The following ACTR3B variants were observed in gnomAD, a reference collection of about 807,000 sequenced individuals.
ACTR3B encodes actin related protein 3B.
In ACTR3B, 8 loss-of-function variants were observed where a neutral mutation model predicts 59.0. The ratio of observed to expected loss-of-function variants is 0.14; its 90% CI spans 0.08 to 0.24. The LOEUF (loss-of-function observed/expected upper bound fraction) is 0.24. Ranked by LOEUF, ACTR3B falls within the 10% of genes least tolerant of loss-of-function variation. The pLI is 1.00. For missense variants in ACTR3B, 245 were observed against 552.3 expected (o/e 0.44, Z 5.58); for synonymous variants, 148 against 197.9 (o/e 0.75, Z 2.12).
chr7:152,846,145 G>C (rs1465624139), intron 9 of ACTR3B, among the ~76,000 whole-genome samples: 1 of 151,802 alleles, frequency 6.6e-6, no homozygotes, highest in South Asian at 2.1e-4. Context: ...GAGCTCTAGT[G>C]CCCGGGCTGT....
At position 152,778,443 on chromosome 7, in the gene ACTR3B, G is replaced by A. The variant is rs7801908; in HGVS notation, c.45-4744G>A. ...TATAGAGATGGGGTTTTACCATTTT[G>A]CCCAGGGTGGTCTTGAACTCCTGAG... On this transcript the variant is annotated intron_variant, in intron 1 of 11. Coordinates refer to ENST00000256001, the MANE Select transcript of ACTR3B (RefSeq NM_020445.6). Among the ~76,000 whole-genome samples, 876 of 151,732 alleles carry A rather than the reference G, an allele frequency of 5.8e-3. 11 individuals are homozygous for A. Among genetic ancestry groups the A allele is most frequent in the African/African-American group, 0.02 (821 of 41,370 alleles).
intron 9 of ACTR3B, among the ~76,000 whole-genome samples, chr7:152,829,925 A>G (rs1377947411): frequency 6.6e-6 from 1 of 152,210 alleles, no homozygotes. Flanking sequence ...GGTACAAGAC[A>G]CTGTTGTTAA....
Position 152,854,748 on chromosome 7 carries a change from A to C in ACTR3B, c.*195A>C. The stretch of plus-strand genomic sequence containing the variant: ...ATCCGTGTGCCGACCGCTGTCTGCC[A>C]GCCTCCTCCTTCTCCCGCCCTCCTC... On this transcript the variant is annotated 3_prime_UTR_variant, in exon 12 of 12. Transcript: ENST00000256001. The surrounding 1 kb of genome is among the most constrained non-coding windows in gnomAD (Gnocchi z 4.9). 2 of 542,752 alleles carry C rather than the reference A, an allele frequency of 3.7e-6. No homozygotes were observed. The highest frequency in any genetic ancestry group is 6.6e-6 in the Non-Finnish European group (2 of 305,296). The allele number at this position is 542,752 out of a possible 1,614,324, so 33.6% of individuals were successfully genotyped here. A position where few individuals can be genotyped will look rare whatever the true frequency, so the allele number is the denominator to read the frequency against.
intron 2 of ACTR3B, among the ~76,000 whole-genome samples, chr7:152,793,457 GATTTTT>G (rs1377850506): frequency 1.5e-5 from 2 of 134,902 alleles, no homozygotes; most frequent in Non-Finnish European, 3.1e-5. Context: ...CATCTCTTAA[GATTTTT>G]ATTTCAGTTA....
intron 4 of ACTR3B, among the ~76,000 whole-genome samples, chr7:152,803,976 A>T (rs528113482): frequency 6.6e-6 from 1 of 152,306 alleles, no homozygotes; most frequent in East Asian, 1.9e-4. Context: ...GGAAAGATTT[A>T]AGACCAAGCC....
chr7:152,772,430 T>G, intron 1 of ACTR3B, among the ~76,000 whole-genome samples: 1 of 151,708 alleles, frequency 6.6e-6, no homozygotes, highest in South Asian at 2.1e-4. Context: ...GAGGCAGAGG[T>G]GGGAGGATGG....
chr7:152,772,133 C>A (rs3852272), intron 1 of ACTR3B, among the ~76,000 whole-genome samples: 64,468 of 139,350 alleles, frequency 0.46, 12,917 homozygotes, highest in African/African-American at 0.51. Flanking sequence ...GGAAAAAAGC[C>A]AACAGGCCAC....
intron 2 of ACTR3B, among the ~76,000 whole-genome samples, chr7:152,790,083 T>G (rs894417635): frequency 7.3e-5 from 11 of 151,210 alleles, no homozygotes; most frequent in African/African-American, 2.5e-5. Context: ...GCCTTGACTT[T>G]CCAGGTTCAA....
chr7:152,780,238 C>G (rs1400136109), intron 1 of ACTR3B, among the ~76,000 whole-genome samples: 2 of 151,212 alleles, frequency 1.3e-5, no homozygotes, highest in African/African-American at 2.4e-5. Context: ...GTAATTCCAG[C>G]TACTGAGGAG....
At chr7:152,816,874 G>A (rs747540049) in intron 6 of ACTR3B, 4,879 of 354,284 alleles carry the variant, frequency 0.014, 67 homozygotes, top group Middle Eastern at 0.027. Flanking sequence ...TGTCCAGGAT[G>A]TCTCTGGATC....
chr7:152,761,452 TG>T (rs1278266634), intron 1 of ACTR3B, among the ~76,000 whole-genome samples: 1 of 152,242 alleles, frequency 6.6e-6, no homozygotes, highest in South Asian at 2.1e-4. Context: ...AATAAAATAA[TG>T]CTCACAGAGT....
At chr7:152,778,891 C>T (rs112610987) in intron 1 of ACTR3B, among the ~76,000 whole-genome samples, 1,736 of 119,602 alleles carry the variant, frequency 0.015, 25 homozygotes, top group East Asian at 0.045. Flanking sequence ...TGCAGTGAGC[C>T]GTGATCACAC....
chr7:152,782,594 G>A (rs200078507), intron 1 of ACTR3B, among the ~76,000 whole-genome samples: 1 of 151,984 alleles, frequency 6.6e-6, no homozygotes, highest in East Asian at 1.9e-4. Context: ...CTCAGGAGAC[G>A]GCAGTAGCTG....
chr7:152,779,282 T>G (rs552669879), intron 1 of ACTR3B, among the ~76,000 whole-genome samples: 1 of 152,150 alleles, frequency 6.6e-6, no homozygotes, highest in South Asian at 2.1e-4. Flanking sequence ...GGAATCTGTT[T>G]CCGGAGTTTC....
At position 152,822,838 on chromosome 7, in the gene ACTR3B, G is replaced by C. The variant is rs1456008131; in HGVS notation, c.685-504G>C. On this transcript the variant is annotated intron_variant, in intron 7 of 11. Coordinates refer to ENST00000256001, the MANE Select transcript of ACTR3B (RefSeq NM_020445.6). Reference sequence around the variant, plus strand: ...CTCCACACCAGATTAACAACCAGCAGGTTGACAGTGGCCACCCGGCTTGTG... The same window carrying C: ...CTCCACACCAGATTAACAACCAGCACGTTGACAGTGGCCACCCGGCTTGTG... Among the ~76,000 whole-genome samples the C allele has an allele frequency of 7.2e-5, 11 of 152,356 alleles. No individual in the cohort carries two copies. In the East Asian group the frequency reaches 2.1e-3, roughly 29 times the overall value.
chr7:152,778,223 C>T (rs1385862642), intron 1 of ACTR3B, among the ~76,000 whole-genome samples: 1 of 115,750 alleles, frequency 8.6e-6, no homozygotes, highest in Non-Finnish European at 1.9e-5. Flanking sequence ...TGGATTGAGC[C>T]TAGATTTTTT....
rs1192535564 is a variant in ACTR3B, at chr7:152,854,675, A to G, written c.*122A>G. On this transcript the variant is annotated 3_prime_UTR_variant, in exon 12 of 12. Coordinates refer to ENST00000256001, the MANE Select transcript of ACTR3B (RefSeq NM_020445.6). The surrounding 1 kb of genome is among the most constrained non-coding windows in gnomAD (Gnocchi z 4.9). Reference sequence around the variant, plus strand: ...TGTTGCTGCCCAGCAGCGTGCTTGCATTGCCGGTGCATGAGGCGCGGCGCG... The same window carrying G: ...TGTTGCTGCCCAGCAGCGTGCTTGCGTTGCCGGTGCATGAGGCGCGGCGCG... 1 of 1,041,972 alleles carries G rather than the reference A, an allele frequency of 9.6e-7. No homozygotes were observed. The highest frequency in any genetic ancestry group is 1.4e-6 in the Non-Finnish European group (1 of 697,138). 64.5% of individuals were successfully genotyped at this position (1,041,972 alleles called of 1,614,324 possible). A position where few individuals can be genotyped will look rare whatever the true frequency, so the allele number is the denominator to read the frequency against.
At chr7:152,833,742 G>C (rs1797212263) in intron 9 of ACTR3B, among the ~76,000 whole-genome samples, 1 of 152,196 alleles carries the variant, frequency 6.6e-6, no homozygotes, top group Non-Finnish European at 1.5e-5. Flanking sequence ...GGAGATGAAT[G>C]GGTTACGTGT....
chr7:152,819,690 C>G (rs1590359417), intron 6 of ACTR3B, among the ~76,000 whole-genome samples: 1 of 152,084 alleles, frequency 6.6e-6, no homozygotes, highest in African/African-American at 2.4e-5. Context: ...AGGCTCCCAG[C>G]CCCCAAAACC....
Sources: allele counts gnomAD v4.1 joint callset (sites outside exome capture counted in the v4.1 genomes callset), GRCh38; gene constraint gnomAD v4.1.1; non-coding constraint Gnocchi (gnomAD v3.1); transcripts MANE v1.5; gene names NCBI Gene and HGNC (gene_info 2026-07-23, HGNC 2026-07-21).